AQP11: variants seen among roughly 807,000 people sequenced by gnomAD.
AQP11 encodes the protein aquaporin 11, also known as aquaporin-11.
AQP11 carries 20 observed loss-of-function variants against 21.1 expected under a neutral mutation model. The observed-to-expected ratio is 0.95, with a 90% CI of 0.67 to 1.38. AQP11 has a LOEUF of 1.38. Ranked by LOEUF, AQP11 falls within the 40% of genes most tolerant of loss-of-function variation. The probability of loss-of-function intolerance (pLI) is 0.00; values close to 1 mark genes in which losing one functional copy is unlikely to be tolerated. For missense variants in AQP11, 339 were observed against 340.4 expected (o/e 1.00, Z 0.03); for synonymous variants, 167 against 150.1 (o/e 1.11, Z -0.82).
At chr11:77,597,184 A>G (rs1357939392) in intron 1 of AQP11, among the ~76,000 whole-genome samples, 1 of 152,204 alleles carries the variant, frequency 6.6e-6, no homozygotes, top group Non-Finnish European at 1.5e-5. Context: ...TCCATTGAAA[A>G]TAAGTAAAGA....
intron 1 of AQP11, among the ~76,000 whole-genome samples, chr11:77,602,875 A>G (rs926763826): frequency 1.3e-5 from 2 of 152,220 alleles, no homozygotes; most frequent in Admixed American, 6.5e-5. Context: ...AAAAGCGAAG[A>G]CACAGCTCTG....
At chr11:77,600,754 T>C (rs918641415) in intron 1 of AQP11, among the ~76,000 whole-genome samples, 2 of 152,222 alleles carry the variant, frequency 1.3e-5, no homozygotes, top group Non-Finnish European at 2.9e-5. Flanking sequence ...GGCTCACGCC[T>C]GTAATCCCAG....
Position 77,590,533 on chromosome 11 carries a change from C to T in AQP11, c.541C>T (p.Leu181=), listed in dbSNP as rs774301866. The T allele has an allele frequency of 2.5e-6, 4 of 1,614,244 alleles. No individual in the cohort carries two copies. Among genetic ancestry groups the T allele is most frequent in the East Asian group, 2.2e-5 (1 of 44,880 alleles). The change falls in exon 1 of 3, where the codon CTG becomes TTG. Residue 181 remains leucine, a synonymous_variant. Transcript: ENST00000313578. ...CTGCTCCTTTCTCTTCCACAGCGCT[C>T]TGCTGCACTTCCAGGAAGTCCGAAC... ...AVCSFLFHSA[L]LHFQEVRTKL...
intron 1 of AQP11, among the ~76,000 whole-genome samples, chr11:77,602,563 A>G (rs114758204): frequency 0.015 from 2,277 of 152,300 alleles, 56 homozygotes; most frequent in African/African-American, 0.051. Context: ...AGGCTGGTAC[A>G]CTAGAAAAAA....
At chr11:77,596,534 GTAAATATATATATA>G (rs1358758792) in intron 1 of AQP11, among the ~76,000 whole-genome samples, 1 of 62,314 alleles carries the variant, frequency 1.6e-5, no homozygotes, top group African/African-American at 5.9e-5. Flanking sequence ...AAATATATAT[GTAAATATATATATA>G]TATATATATA....
chr11:77,599,660 T>A (rs1958803951), intron 1 of AQP11, among the ~76,000 whole-genome samples: 1 of 151,662 alleles, frequency 6.6e-6, no homozygotes. Context: ...AGTGGTGCAA[T>A]CAAAACCTCC....
intron 2 of AQP11, among the ~76,000 whole-genome samples, chr11:77,603,939 T>TC (rs1443809955): frequency 1.0e-5 from 1 of 98,366 alleles, no homozygotes; most frequent in Non-Finnish European, 2.5e-5. Context: ...TCAAAAATAA[T>TC]CTTTTTTTTT....
Position 77,590,161 on chromosome 11 carries a change from C to G in AQP11, c.169C>G (p.Leu57Val), listed in dbSNP as rs942021301. Reference sequence around the variant, plus strand: ...CCTGGAGTTTCTAGCCACCTTCCAGCTCTGCTGCTGCACCCACGAGCTGCA... The same window carrying G: ...CCTGGAGTTTCTAGCCACCTTCCAGGTCTGCTGCTGCACCCACGAGCTGCA... ...FVLEFLATFQ[L>V]CCCTHELQLL... The change falls in exon 1 of 3, where the codon CTC becomes GTC. Residue 57 changes from leucine (L) to valine (V), a missense_variant. Coordinates refer to ENST00000313578, the MANE Select transcript of AQP11 (RefSeq NM_173039.3). 3.1e-6 allele frequency: 5 copies of G among 1,607,436 alleles called. No individual in the cohort carries two copies. Among genetic ancestry groups the G allele is most frequent in the Non-Finnish European group, 4.2e-6 (5 of 1,178,676 alleles).
rs985839803 is a variant in AQP11, at chr11:77,609,305, G to A, written c.744G>A (p.Leu248=). The change falls in exon 3 of 3, where the codon TTG becomes TTA. Residue 248 remains leucine, a synonymous_variant. Coordinates refer to ENST00000313578, the MANE Select transcript of AQP11 (RefSeq NM_173039.3). ...CTGTATTTTGTCTTTCAGGTATATT[G>A]TTGATGATTTTGATGTTCAGCTTTT... The part of the protein sequence containing the change: ...VYWLAPSLGI[L]LMILMFSFFL... The A allele has an allele frequency of 6.2e-7, 1 of 1,611,808 alleles. No individual in the cohort carries two copies. The highest frequency in any genetic ancestry group is 8.5e-7 in the Non-Finnish European group (1 of 1,178,914).
intron 1 of AQP11, among the ~76,000 whole-genome samples, chr11:77,599,943 A>G (rs1435640192): frequency 6.6e-6 from 1 of 151,776 alleles, no homozygotes; most frequent in African/African-American, 2.4e-5. Flanking sequence ...CAGGAATGAT[A>G]TATTATTACT....
intron 1 of AQP11, among the ~76,000 whole-genome samples, chr11:77,602,162 TG>T (rs1958819009): frequency 6.6e-6 from 1 of 152,142 alleles, no homozygotes; most frequent in Admixed American, 6.6e-5. Flanking sequence ...GGCATAAGAC[TG>T]ATCAGTGGTG....
At chr11:77,603,726 ATATGTG>A (rs776145794) in intron 2 of AQP11, 54 bp downstream of exon 2, 14 of 1,302,188 alleles carry the variant, frequency 1.1e-5, no homozygotes, top group Non-Finnish European at 1.5e-5. Flanking sequence ...TTAAAATATG[ATATGTG>A]TATATCATTG....
chr11:77,590,769 T>A lies in AQP11; in HGVS notation c.619+158T>A, dbSNP rs536448150. 20 of 985,388 alleles carry A rather than the reference T, an allele frequency of 2.0e-5. No individual in the cohort carries two copies. In the South Asian group the frequency reaches 8.0e-4, roughly 39 times the overall value. The allele number at this position is 985,388 out of a possible 1,614,324, so 61.0% of individuals were successfully genotyped here. A position where few individuals can be genotyped will look rare whatever the true frequency, so the allele number is the denominator to read the frequency against. ...CATTTTGCAGCCCGTTCTTAACCAG[T>A]AGGGCCGACACGTAGAGCCTTCATG... On this transcript the variant is annotated intron_variant, in intron 1 of 2. Transcript: ENST00000313578.
chr11:77,603,039 T>C (rs1039130608), intron 1 of AQP11, among the ~76,000 whole-genome samples: 3 of 152,204 alleles, frequency 2.0e-5, no homozygotes, highest in Non-Finnish European at 4.4e-5. Flanking sequence ...TTTGTGCTTA[T>C]CTCTCATGAC....
chr11:77,593,205 G>A (rs1958758824), intron 1 of AQP11, among the ~76,000 whole-genome samples: 1 of 152,216 alleles, frequency 6.6e-6, no homozygotes. Flanking sequence ...ATTAGTTACA[G>A]AAATTTATAA....
At chr11:77,591,619 C>T (rs778341972) in intron 1 of AQP11, among the ~76,000 whole-genome samples, 1 of 152,114 alleles carries the variant, frequency 6.6e-6, no homozygotes, top group Non-Finnish European at 1.5e-5. Context: ...CCTGTAATCC[C>T]AGCACTTTGG....
chr11:77,599,837 C>T (rs1590784865), intron 1 of AQP11, among the ~76,000 whole-genome samples: 1 of 152,072 alleles, frequency 6.6e-6, no homozygotes, highest in African/African-American at 2.4e-5. Flanking sequence ...CCGCCCATCT[C>T]AGCCTCCCAA....
rs147231654 is a variant in AQP11, at chr11:77,590,095, G to T, written c.103G>T (p.Ala35Ser). Reference protein sequence around the residue: ...VLLMGLARVVARQQLHRPVAH... With the variant: ...VLLMGLARVVSRQQLHRPVAH... ...GCTCATGGGGCTGGCCCGCGTAGTC[G>T]CCCGGCAGCAGCTGCACAGGCCGGT... is the stretch of plus-strand genomic sequence containing the variant. The change falls in exon 1 of 3, where the codon GCC becomes TCC. Residue 35 changes from alanine to serine, a missense_variant. Ala to Ser is a moderately conservative substitution (Grantham distance 99). Coordinates refer to ENST00000313578, the MANE Select transcript of AQP11 (RefSeq NM_173039.3). 24 of 1,607,108 alleles carry T rather than the reference G, an allele frequency of 1.5e-5. No homozygotes were observed. Among genetic ancestry groups the T allele is most frequent in the African/African-American group, 4.0e-5 (3 of 74,904 alleles).
At chr11:77,592,365 A>G (rs1303328507) in intron 1 of AQP11, among the ~76,000 whole-genome samples, 1 of 152,230 alleles carries the variant, frequency 6.6e-6, no homozygotes, top group Non-Finnish European at 1.5e-5. Flanking sequence ...TTTAGATTTT[A>G]GCTAAAGCAG....
Sources: allele counts gnomAD v4.1 joint callset (sites outside exome capture counted in the v4.1 genomes callset), GRCh38; gene constraint gnomAD v4.1.1; transcripts MANE v1.5; gene names NCBI Gene and HGNC (gene_info 2026-07-23, HGNC 2026-07-21).